HTR1F: variants seen among roughly 807,000 people sequenced by gnomAD.
HTR1F encodes 5-hydroxytryptamine (serotonin) receptor 1F, G protein-coupled.
A neutral mutation model predicts 24.0 loss-of-function variants in HTR1F; 17 were observed. That is an observed-to-expected ratio of 0.71 (90% CI 0.48 to 1.06). HTR1F has a LOEUF of 1.06. HTR1F is among the 50% of genes least tolerant of loss of function. The pLI is 0.00. For missense variants in HTR1F, 391 were observed against 427.8 expected (o/e 0.91, Z 0.76); for synonymous variants, 186 against 156.8 (o/e 1.19, Z -1.39).
At chr3:87,794,757 T>G (rs57850268) in intron 1 of HTR1F, among the ~76,000 whole-genome samples, 7,456 of 152,202 alleles carry the variant, frequency 0.049, 288 homozygotes, top group East Asian at 0.16. Flanking sequence ...TAGCCAAATT[T>G]TATTATATAA....
chr3:87,864,702 C>T (rs987377137), intron 2 of HTR1F, among the ~76,000 whole-genome samples: 10 of 152,016 alleles, frequency 6.6e-5, no homozygotes, highest in African/African-American at 2.4e-4. Flanking sequence ...TCAAGACCAG[C>T]CTGGCCAACA....
At chr3:87,908,189 A>C (rs1703705754) in intron 2 of HTR1F, among the ~76,000 whole-genome samples, 1 of 152,020 alleles carries the variant, frequency 6.6e-6, no homozygotes, top group Admixed American at 6.6e-5. Flanking sequence ...GCCTTATATT[A>C]CTATTAATCT....
intron 2 of HTR1F, among the ~76,000 whole-genome samples, chr3:87,840,636 T>C (rs1446329583): frequency 6.7e-6 from 1 of 150,116 alleles, no homozygotes; most frequent in Non-Finnish European, 1.5e-5. Flanking sequence ...GCTGAAAAGA[T>C]ATCCACACCC....
At chr3:87,906,280 A>C (rs1208441144) in intron 2 of HTR1F, among the ~76,000 whole-genome samples, 1 of 152,028 alleles carries the variant, frequency 6.6e-6, no homozygotes, top group Non-Finnish European at 1.5e-5. Flanking sequence ...CTTTATCTGT[A>C]TTGATACCAA....
chr3:87,946,162 C>T (rs75603776), intron 2 of HTR1F, among the ~76,000 whole-genome samples: 30 of 152,294 alleles, frequency 2.0e-4, no homozygotes, highest in African/African-American at 5.3e-4. Flanking sequence ...CGGCAATGGG[C>T]GCATCGCTGG....
chr3:87,972,325 C>T (rs539135799), intron 2 of HTR1F, among the ~76,000 whole-genome samples: 128 of 152,230 alleles, frequency 8.4e-4, no homozygotes, highest in African/African-American at 3.0e-3. Flanking sequence ...CCATCTATTG[C>T]TTGCCTTTTC....
At position 87,833,544 on chromosome 3, in the gene HTR1F, C is replaced by T. The variant is rs113505993; in HGVS notation, c.-43+11420C>T. 4.5e-3 allele frequency among the ~76,000 whole-genome samples: 689 copies of T among 152,188 alleles called. 8 individuals are homozygous for T. Among genetic ancestry groups the T allele is most frequent in the African/African-American group, 0.016 (665 of 41,520 alleles). On this transcript the variant is annotated intron_variant, in intron 2 of 2. Coordinates refer to ENST00000319595, the MANE Select transcript of HTR1F (RefSeq NM_001322209.2). Reference sequence around the variant, plus strand: ...TAGGGACAGGGTCTTGCTGTATTGCCCAGCTGGAGTGTAGTGGCATGATTG... The same window carrying T: ...TAGGGACAGGGTCTTGCTGTATTGCTCAGCTGGAGTGTAGTGGCATGATTG...
chr3:87,967,335 C>T (rs1024949068), intron 2 of HTR1F, among the ~76,000 whole-genome samples: 3 of 151,790 alleles, frequency 2.0e-5, no homozygotes, highest in Non-Finnish European at 4.4e-5. Flanking sequence ...CTGTAATCCC[C>T]GCTACTCAGG....
intron 2 of HTR1F, among the ~76,000 whole-genome samples, chr3:87,861,242 A>G (rs1705312646): frequency 1.3e-5 from 2 of 152,128 alleles, no homozygotes; most frequent in South Asian, 2.1e-4. Flanking sequence ...CATCGGTAAA[A>G]AGTTGAGATG....
intron 2 of HTR1F, among the ~76,000 whole-genome samples, chr3:87,936,267 G>T (rs1406681767): frequency 6.6e-6 from 1 of 152,152 alleles, no homozygotes; most frequent in Admixed American, 6.5e-5. Context: ...ATACAATTGT[G>T]CATTCAGTAT....
rs1307157414 is a variant in HTR1F at position 87,831,703 on chromosome 3, C to T, written c.-43+9579C>T. Among the ~76,000 whole-genome samples the T allele has an allele frequency of 2.6e-5, 4 of 152,260 alleles. No homozygotes were observed. In the East Asian group the frequency reaches 7.7e-4, roughly 29 times the overall value. ...TTCTATCCAGAAGAAAAACAAACTT[C>T]AGTGCTATAGATTATTATCCCAGAA... is the stretch of plus-strand genomic sequence containing the variant. On this transcript the variant is annotated intron_variant, in intron 2 of 2. Transcript: ENST00000319595.
intron 2 of HTR1F, among the ~76,000 whole-genome samples, chr3:87,939,202 C>T (rs1460161369): frequency 1.3e-5 from 2 of 152,180 alleles, no homozygotes; most frequent in African/African-American, 2.4e-5. Flanking sequence ...TTGAACCAGC[C>T]TTGCATCATA....
chr3:87,906,692 C>T (rs1388572246), intron 2 of HTR1F, among the ~76,000 whole-genome samples: 2 of 151,628 alleles, frequency 1.3e-5, no homozygotes, highest in Non-Finnish European at 1.5e-5. Context: ...CCTCGCCCCC[C>T]TCTCACTCAT....
chr3:87,985,733 T>G (rs1705648755), intron 2 of HTR1F, among the ~76,000 whole-genome samples: 1 of 152,234 alleles, frequency 6.6e-6, no homozygotes, highest in South Asian at 2.1e-4. Flanking sequence ...TTATAAAAAC[T>G]ATTTGTGTAT....
chr3:87,804,761 T>TAATTTTA (rs750952081), intron 1 of HTR1F, among the ~76,000 whole-genome samples: 1 of 152,124 alleles, frequency 6.6e-6, no homozygotes, highest in Admixed American at 6.5e-5. Context: ...TGATAATATG[T>TAATTTTA]AATTTTAAAT....
chr3:87,897,272 G>A (rs969273076), intron 2 of HTR1F, among the ~76,000 whole-genome samples: 24 of 149,290 alleles, frequency 1.6e-4, no homozygotes, highest in African/African-American at 5.4e-4. Context: ...TTAAAATGGA[G>A]AAGATTATAC....
At chr3:87,988,293 C>T (rs925328178) in intron 2 of HTR1F, among the ~76,000 whole-genome samples, 1 of 149,084 alleles carries the variant, frequency 6.7e-6, no homozygotes, top group Non-Finnish European at 1.5e-5. Flanking sequence ...CCCTTTATAA[C>T]TGGCTAAATG....
At chr3:87,862,147 T>C (rs771437003) in intron 2 of HTR1F, among the ~76,000 whole-genome samples, 4 of 152,184 alleles carry the variant, frequency 2.6e-5, no homozygotes, top group Non-Finnish European at 1.5e-5. Context: ...GTTGCCATCT[T>C]CCAGAATAAT....
intron 2 of HTR1F, among the ~76,000 whole-genome samples, chr3:87,826,620 T>G (rs1704469236): frequency 6.6e-6 from 1 of 152,144 alleles, no homozygotes; most frequent in Non-Finnish European, 1.5e-5. Flanking sequence ...AAAGTAGGTG[T>G]TTTCCAGCTT....
Sources: gnomAD v4.1 joint callset for allele counts (sites outside exome capture counted in the v4.1 genomes callset) on GRCh38, gnomAD v4.1.1 for gene constraint, MANE v1.5 for transcripts, NCBI Gene and HGNC (gene_info 2026-07-23, HGNC 2026-07-21) for gene names.